The following ITIH2 variants were observed in gnomAD, a reference collection of about 807,000 sequenced individuals.
ITIH2 encodes the protein inter-alpha-trypsin inhibitor heavy chain H2.
ITIH2 carries 103 observed loss-of-function variants against 104.4 expected under a neutral mutation model. That is an observed-to-expected ratio of 0.99 (90% CI 0.84 to 1.16). The LOEUF (loss-of-function observed/expected upper bound fraction) is 1.16. Ranked by LOEUF, ITIH2 falls within the 50% of genes most tolerant of loss-of-function variation. The probability of loss-of-function intolerance (pLI) is 0.00; values close to 1 mark genes in which losing one functional copy is unlikely to be tolerated. For missense variants in ITIH2, 1,108 were observed against 1,162.4 expected, an observed-to-expected ratio of 0.95 and a Z score of 0.68; for synonymous variants, 436 against 435.4, an observed-to-expected ratio of 1.00 and a Z score of -0.02.
intron 5 of ITIH2, among the ~76,000 whole-genome samples, chr10:7,713,864 G>A (rs1406151162): frequency 6.6e-6 from 1 of 151,788 alleles, no homozygotes; most frequent in Non-Finnish European, 1.5e-5. Flanking sequence ...CACCATGCCT[G>A]ACGAATTTTT....
At chr10:7,715,257 C>G (rs1316943956) in intron 5 of ITIH2, among the ~76,000 whole-genome samples, 1 of 152,076 alleles carries the variant, frequency 6.6e-6, no homozygotes, top group East Asian at 1.9e-4. Context: ...CCCGTCTCTA[C>G]TAAAATTACG....
chr10:7,737,697 A>ATTC (rs1564305692), intron 15 of ITIH2, among the ~76,000 whole-genome samples: 1 of 41,640 alleles, frequency 2.4e-5, no homozygotes, highest in Non-Finnish European at 3.6e-5. Flanking sequence ...TATATTCTAT[A>ATTC]TAATATTCTA....
intron 16 of ITIH2, among the ~76,000 whole-genome samples, chr10:7,742,777 A>C (rs1441592134): frequency 6.6e-6 from 1 of 152,178 alleles, no homozygotes; most frequent in Non-Finnish European, 1.5e-5. Context: ...CTGTCTACAC[A>C]CATATTCACA....
At position 7,743,298 on chromosome 10, in the gene ITIH2, A is replaced by G. The variant is rs188252741; in HGVS notation, c.2209+39A>G. ...AAATTATATTTGCACCAATTAGGTC[A>G]TTGTCATGCTTTCCTGTCACTGCCT... is the stretch of plus-strand genomic sequence containing the variant. On this transcript the variant is annotated intron_variant, in intron 17 of 20. Transcript: ENST00000358415. 9.7e-4 allele frequency: 1,012 copies of G among 1,043,870 alleles called. 15 individuals are homozygous for G. In the South Asian group the frequency reaches 0.011, roughly 11 times the overall value. The allele number at this position is 1,043,870 out of a possible 1,614,324, so 64.7% of individuals were successfully genotyped here. A position where few individuals can be genotyped will look rare whatever the true frequency, so the allele number is the denominator to read the frequency against.
At chr10:7,736,130 C>A (rs2130959116) in intron 15 of ITIH2, among the ~76,000 whole-genome samples, 1 of 152,198 alleles carries the variant, frequency 6.6e-6, no homozygotes, top group Non-Finnish European at 1.5e-5. Context: ...CTTTGGGAGG[C>A]TGGAGTGGGT....
intron 8 of ITIH2, among the ~76,000 whole-genome samples, chr10:7,723,163 T>TGAAGTGGCGTGGAGTGGC (rs1834922201): frequency 1.7e-4 from 3 of 17,340 alleles, no homozygotes; most frequent in Non-Finnish European, 3.9e-4. Flanking sequence ...CGTGGAGTGG[T>TGAAGTGGCGTGGAGTGGC]GTGACGTGGA....
chr10:7,723,525 C>T lies in ITIH2; in HGVS notation c.942C>T (p.Val314=), dbSNP rs1388892519. The change falls in exon 9 of 21, where the codon GTC becomes GTT. Residue 314 remains valine (V), a synonymous_variant. Transcript: ENST00000358415. ...CAATTCCCAAAAACATCCTCTTTGT[C>T]ATCGATGTGAGTGGCTCCATGTGGG... The part of the protein sequence containing the change: ...LDPIPKNILF[V]IDVSGSMWGV... The T allele has an allele frequency of 1.2e-5, 20 of 1,613,832 alleles. No homozygotes were observed. In the Admixed American group the frequency reaches 2.8e-4, roughly 23 times the overall value.
intron 15 of ITIH2, among the ~76,000 whole-genome samples, chr10:7,735,988 A>G (rs774130341): frequency 1.3e-5 from 2 of 152,070 alleles, no homozygotes; most frequent in African/African-American, 2.4e-5. Context: ...ACTGTTTTCA[A>G]TACATCTAAT....
rs1564308527 is a variant in ITIH2, at chr10:7,746,067, T to TAAAA, written c.2582-526_2582-525insAAAA. 3.3e-3 allele frequency among the ~76,000 whole-genome samples: 168 copies of TAAAA among 51,104 alleles called. 9 individuals are homozygous for TAAAA. The highest frequency in any genetic ancestry group is 0.015 in the African/African-American group (164 of 10,982). The allele number at this position is 51,104 out of a possible 152,430, so 33.5% of individuals were successfully genotyped here. ...CCACACCCGGCCCCAAATCTTAAAT[T>TAAAA]TAAAAAAAAAAAAAAAAAAAAAAAA... On this transcript the variant is annotated intron_variant, in intron 19 of 20. Coordinates refer to ENST00000358415, the MANE Select transcript of ITIH2 (RefSeq NM_002216.3).
chr10:7,711,186 AGT>A (rs1163984793), intron 4 of ITIH2, among the ~76,000 whole-genome samples: 1 of 152,130 alleles, frequency 6.6e-6, no homozygotes, highest in Non-Finnish European at 1.5e-5. Context: ...GAGAACATAC[AGT>A]GTTTGATTTT....
chr10:7,736,283 C>G (rs1835054935), intron 15 of ITIH2, among the ~76,000 whole-genome samples: 1 of 152,110 alleles, frequency 6.6e-6, no homozygotes, highest in Admixed American at 6.5e-5. Context: ...GGGAGGATTG[C>G]TTGAGCCTGG....
chr10:7,715,046 G>C lies in ITIH2; in HGVS notation c.467+1761G>C, dbSNP rs886068499. The stretch of plus-strand genomic sequence containing the variant: ...CACCAACTGTAGTAAAATTCAGCCA[G>C]GTAGAGAATGGAGAGAAGAAGCTCC... On this transcript the variant is annotated intron_variant, in intron 5 of 20. Transcript: ENST00000358415. 2.6e-5 allele frequency among the ~76,000 whole-genome samples: 4 copies of C among 152,190 alleles called. No individual in the cohort carries two copies. In the South Asian group the frequency reaches 6.2e-4, roughly 24 times the overall value.
At chr10:7,745,885 G>A (rs34607294) in intron 19 of ITIH2, among the ~76,000 whole-genome samples, 2,498 of 151,202 alleles carry the variant, frequency 0.017, 30 homozygotes, top group South Asian at 0.029. Flanking sequence ...CTCCCGAGTA[G>A]CTGGGATTAC....
At chr10:7,735,829 C>T (rs564745600) in intron 15 of ITIH2, among the ~76,000 whole-genome samples, 5 of 151,990 alleles carry the variant, frequency 3.3e-5, no homozygotes, top group Non-Finnish European at 5.9e-5. Context: ...TGTGCCACCA[C>T]GCCCAGCTAA....
In ITIH2 at chr10:7,721,680, A is replaced by T; in HGVS notation, c.770A>T (p.Gln257Leu). Residue 257 changes from glutamine (Q) to leucine (L), a missense_variant, in exon 8 of 21, where the codon CAG (glutamine) becomes CTG (leucine). Transcript: ENST00000358415. ...AHVSFKPTVAQQRICPNCRET... is the reference protein window; with the variant it reads ...AHVSFKPTVALQRICPNCRET... ...GTCTCCTTCAAGCCCACGGTAGCAC[A>T]GCAGAGAATATGCCCTAACTGCCGG... The T allele has an allele frequency of 6.2e-7, 1 of 1,613,900 alleles. No homozygotes were observed. The highest frequency in any genetic ancestry group is 1.1e-5 in the South Asian group (1 of 91,064).
At chr10:7,744,591 G>A (rs537153724) in intron 18 of ITIH2, among the ~76,000 whole-genome samples, 200 bp from the exon 19 acceptor site, 2 of 152,276 alleles carry the variant, frequency 1.3e-5, no homozygotes, top group African/African-American at 4.8e-5. Context: ...AGCTCCAAAC[G>A]CCATGATTGT....
chr10:7,703,540 C>A, intron 1 of ITIH2, 22 bp downstream of exon 1: 1 of 1,474,036 alleles, frequency 6.8e-7, no homozygotes, highest in Non-Finnish European at 9.5e-7. Context: ...CAGATCACTC[C>A]TTGCTGTTGG....
intron 15 of ITIH2, 149 bp downstream of exon 15, chr10:7,735,240 T>G (rs1398417556): frequency 1.5e-6 from 1 of 647,540 alleles, no homozygotes; most frequent in East Asian, 2.8e-5. Context: ...TCCTGCCAGC[T>G]GGGAGGAGGA....
chr10:7,746,766 C>A, intron 20 of ITIH2, 62 bp downstream of exon 20: 1 of 990,374 alleles, frequency 1.0e-6, no homozygotes, highest in Non-Finnish European at 1.6e-6. Context: ...ACCCACACAG[C>A]AAAATAGAGG....
Sources: allele counts gnomAD v4.1 joint callset (sites outside exome capture counted in the v4.1 genomes callset), GRCh38; gene constraint gnomAD v4.1.1; transcripts MANE v1.5; gene names NCBI Gene and HGNC (gene_info 2026-07-23, HGNC 2026-07-21).